The following FRZB variants were observed in gnomAD, a reference collection of about 807,000 sequenced individuals.
The protein encoded by FRZB is frizzled related protein.
FRZB carries 34 observed loss-of-function variants against 32.5 expected under a neutral mutation model. The ratio of observed to expected loss-of-function variants is 1.05; its 90% CI spans 0.80 to 1.39. The LOEUF is 1.39. Among genes scored for constraint, FRZB ranks in the 40% most tolerant of loss-of-function variants. The probability of loss-of-function intolerance (pLI) is 0.00; values close to 1 mark genes in which losing one functional copy is unlikely to be tolerated. For missense variants in FRZB, 423 were observed against 424.8 expected (o/e 1.00, Z 0.04); for synonymous variants, 170 against 159.2 (o/e 1.07, Z -0.51).
chr2:182,864,366 G>A (rs1695867411), intron 1 of FRZB, among the ~76,000 whole-genome samples: 1 of 152,188 alleles, frequency 6.6e-6, no homozygotes, highest in South Asian at 2.1e-4. Context: ...CCTGAGAGGA[G>A]CACCTGCATT....
intron 1 of FRZB, among the ~76,000 whole-genome samples, chr2:182,859,264 T>C (rs1695804811): frequency 6.6e-6 from 1 of 152,124 alleles, no homozygotes; most frequent in East Asian, 1.9e-4. Context: ...CCTTAGTTCC[T>C]AAACGAACAC....
Position 182,834,895 on chromosome 2 carries a change from C to T in FRZB, c.932G>A (p.Ser311Asn), listed in dbSNP as rs555855355. ...SDSSNSDSTQ[S>N]QKSGRNSNPR... ...GTTCGAGTTCCTGCCAGACTTCTGA[C>T]TCTGAGTGGAATCACTATTGCTAGA... Residue 311 changes from serine (S) to asparagine (N), a missense_variant, in exon 6 of 6, where the codon AGT becomes AAT. By Grantham distance (46) the Ser-to-Asn change is conservative (BLOSUM62 1). Transcript: ENST00000295113. 8.1e-6 allele frequency: 13 copies of T among 1,613,504 alleles called. No homozygotes were observed. The highest frequency in any genetic ancestry group is 1.7e-4 in the Middle Eastern group (1 of 6,060).
chr2:182,855,513 G>A (rs1162058936), intron 2 of FRZB, among the ~76,000 whole-genome samples: 1 of 152,132 alleles, frequency 6.6e-6, no homozygotes, highest in African/African-American at 2.4e-5. Flanking sequence ...AAAACTATCT[G>A]GATGTGTTTC....
intron 1 of FRZB, among the ~76,000 whole-genome samples, chr2:182,861,234 T>C (rs1695828425): frequency 6.6e-6 from 1 of 152,256 alleles, no homozygotes; most frequent in African/African-American, 2.4e-5. Context: ...AGGAATTACA[T>C]TTCTTAAGGG....
chr2:182,848,698 T>C (rs1695674644), intron 2 of FRZB, among the ~76,000 whole-genome samples: 1 of 152,174 alleles, frequency 6.6e-6, no homozygotes, highest in Non-Finnish European at 1.5e-5. Flanking sequence ...AGAAGTCATA[T>C]TGGTATTATG....
rs367748575 is a variant in FRZB at position 182,841,581 on chromosome 2, G to GA, written c.592+896dup. Among the ~76,000 whole-genome samples, 448 of 152,178 alleles carry GA rather than the reference G, an allele frequency of 2.9e-3. 3 individuals are homozygous for GA. The highest frequency in any genetic ancestry group is 5.3e-3 in the Non-Finnish European group (358 of 68,002). ...CCTTTTATTAATACCATAGATATTAGAAAAAATCAAAATGCATATGGAATA... is the reference window on the plus strand; with the variant it reads ...CCTTTTATTAATACCATAGATATTAGAAAAAAATCAAAATGCATATGGAATA... On this transcript the variant is annotated intron_variant, in intron 3 of 5. Coordinates refer to ENST00000295113, the MANE Select transcript of FRZB (RefSeq NM_001463.4).
At chr2:182,862,378 T>A (rs544238169) in intron 1 of FRZB, among the ~76,000 whole-genome samples, 1 of 152,394 alleles carries the variant, frequency 6.6e-6, no homozygotes, top group South Asian at 2.1e-4. Flanking sequence ...GCTTGATTCC[T>A]GGGTTTCTGA....
In FRZB at chr2:182,848,148, G is replaced by C. The variant is rs186134267; in HGVS notation, c.527-5605C>G. On this transcript the variant is annotated intron_variant, in intron 2 of 5. Coordinates refer to ENST00000295113, the MANE Select transcript of FRZB (RefSeq NM_001463.4). Reference sequence around the variant, plus strand: ...TGAAAAGAGGCAGCAGGCAAAGAATGGGATTCTTAGAATTAATATTACAAT... The same window carrying C: ...TGAAAAGAGGCAGCAGGCAAAGAATCGGATTCTTAGAATTAATATTACAAT... Among the ~76,000 whole-genome samples the C allele has an allele frequency of 6.9e-4, 105 of 152,164 alleles. 1 individual carries two copies. The highest frequency in any genetic ancestry group is 3.1e-3 in the Admixed American group (47 of 15,288).
chr2:182,842,981 ACTC>A (rs1306847254), intron 2 of FRZB, among the ~76,000 whole-genome samples: 2 of 152,198 alleles, frequency 1.3e-5, no homozygotes, highest in South Asian at 2.1e-4. Context: ...ATGACACAGT[ACTC>A]CTCCTACTAT....
rs1188181396 is a variant in FRZB at position 182,838,567 on chromosome 2, C to T, written c.639G>A (p.Val213=). Residue 213 remains valine, a synonymous_variant, in exon 4 of 6, where the codon GTG becomes GTA. Transcript: ENST00000295113. ...VKEIKTKCHD[V]TAVVEVKEIL... ...TCTCCTTCACCTCCACTACTGCAGT[C>T]ACATCATGGCACTTAGTCTTTATCT... The T allele has an allele frequency of 2.5e-6, 4 of 1,612,752 alleles. No individual in the cohort carries two copies. The highest frequency in any genetic ancestry group is 1.7e-5 in the Admixed American group (1 of 59,896).
rs139698117 is a variant in FRZB, at chr2:182,853,675, A to C, written c.526+5111T>G. On this transcript the variant is annotated intron_variant, in intron 2 of 5. Coordinates refer to ENST00000295113, the MANE Select transcript of FRZB (RefSeq NM_001463.4). ...TATCACCATGATAAGATTCAGTGGA[A>C]GTCAACAGAGAAAACTGTCCCAATG... Among the ~76,000 whole-genome samples, 149 of 152,360 alleles carry C rather than the reference A, an allele frequency of 9.8e-4. 1 individual carries two copies. The highest frequency in any genetic ancestry group is 3.5e-3 in the African/African-American group (146 of 41,586).
chr2:182,861,796 C>T (rs530836316), intron 1 of FRZB, among the ~76,000 whole-genome samples: 30 of 152,270 alleles, frequency 2.0e-4, no homozygotes, highest in Admixed American at 1.7e-3. Flanking sequence ...TTTGTAGCAA[C>T]AACTATTTGA....
At chr2:182,861,434 G>A (rs1179857501) in intron 1 of FRZB, among the ~76,000 whole-genome samples, 3 of 152,184 alleles carry the variant, frequency 2.0e-5, no homozygotes, top group African/African-American at 7.2e-5. Flanking sequence ...TTATTGTGTT[G>A]CTAATGGTTC....
At chr2:182,847,387 C>T (rs1695656269) in intron 2 of FRZB, among the ~76,000 whole-genome samples, 2 of 152,090 alleles carry the variant, frequency 1.3e-5, no homozygotes, top group Non-Finnish European at 2.9e-5. Flanking sequence ...GAAGGAAATA[C>T]AGGAGAGTGT....
chr2:182,842,095 G>T (rs759771366), intron 3 of FRZB, among the ~76,000 whole-genome samples: 1 of 152,112 alleles, frequency 6.6e-6, no homozygotes, highest in Non-Finnish European at 1.5e-5. Context: ...AGTTCCTTAT[G>T]CATCAAAGTG....
intron 4 of FRZB, 123 bp downstream of exon 4, chr2:182,838,286 T>C: frequency 1.2e-6 from 1 of 832,800 alleles, no homozygotes; most frequent in Non-Finnish European, 1.9e-6. Flanking sequence ...AAAACTTATC[T>C]GTAATCCCCA....
intron 5 of FRZB, 144 bp from the exon 6 acceptor site, chr2:182,835,109 G>T: frequency 1.6e-6 from 1 of 641,948 alleles, no homozygotes; most frequent in Non-Finnish European, 2.8e-6. Flanking sequence ...TATTTCCCAG[G>T]GTAACAAGAA....
intron 2 of FRZB, among the ~76,000 whole-genome samples, chr2:182,849,207 A>C (rs544448871): frequency 6.6e-6 from 1 of 151,862 alleles, no homozygotes; most frequent in South Asian, 2.1e-4. Flanking sequence ...AGCCTGGGCG[A>C]CAGAGCAAGA....
At position 182,866,514 on chromosome 2, in the gene FRZB, C is replaced by G. The variant is rs768640016; in HGVS notation, c.39G>C (p.Arg13=). The G allele has an allele frequency of 3.3e-6, 5 of 1,497,834 alleles. No homozygotes were observed. The South Asian group carries it at 5.2e-5, about 16-fold the overall frequency. The allele number at this position is 1,497,834 out of a possible 1,614,324, so 92.8% of individuals were successfully genotyped here. The stretch of plus-strand genomic sequence containing the variant: ...GAGCAGCCAGGGCAAGCAGCCCGGC[C>G]CGCAGCAGCAGCATCCCTCCCGGGC... ...CGSPGGMLLL[R]AGLLALAALC... is the part of the protein sequence containing the mutation. The change falls in exon 1 of 6, where the codon CGG becomes CGC. Residue 13 remains arginine (R), a synonymous_variant. Coordinates refer to ENST00000295113, the MANE Select transcript of FRZB (RefSeq NM_001463.4). This position sits in a 1 kb window ranked among gnomAD's most constrained non-coding sequence, Gnocchi z 4.5.
Sources: allele counts gnomAD v4.1 joint callset (sites outside exome capture counted in the v4.1 genomes callset), GRCh38; gene constraint gnomAD v4.1.1; non-coding constraint Gnocchi (gnomAD v3.1); transcripts MANE v1.5; gene names NCBI Gene and HGNC (gene_info 2026-07-23, HGNC 2026-07-21).